ZFYVE9: variants seen among roughly 807,000 people sequenced by gnomAD.
ZFYVE9 encodes the protein zinc finger FYVE domain-containing protein 9.
ZFYVE9 carries 43 observed loss-of-function variants against 126.7 expected under a neutral mutation model. The ratio of observed to expected loss-of-function variants is 0.34; its 90% CI spans 0.27 to 0.44. The LOEUF (loss-of-function observed/expected upper bound fraction) is 0.44, where lower values mean the gene tolerates loss of function less well. Ranked by LOEUF, ZFYVE9 falls within the 20% of genes least tolerant of loss-of-function variation. The pLI is 1.00. For missense variants in ZFYVE9, 1,476 were observed against 1,697.0 expected (o/e 0.87, Z 2.29); for synonymous variants, 521 against 597.4 (o/e 0.87, Z 1.87).
At chr1:52,192,811 A>G (rs765932959) in intron 1 of ZFYVE9, among the ~76,000 whole-genome samples, 3 of 152,184 alleles carry the variant, frequency 2.0e-5, no homozygotes, top group Non-Finnish European at 4.4e-5. Context: ...GTAAAAATAT[A>G]TGTTCAGTCT....
At chr1:52,250,241 A>G (rs1226183852) in intron 4 of ZFYVE9, among the ~76,000 whole-genome samples, 1 of 152,160 alleles carries the variant, frequency 6.6e-6, no homozygotes, top group Non-Finnish European at 1.5e-5. Flanking sequence ...TAGTCCATGA[A>G]CATGGAATGT....
intron 1 of ZFYVE9, among the ~76,000 whole-genome samples, chr1:52,178,815 C>T (rs1267855596): frequency 1.3e-5 from 2 of 151,712 alleles, no homozygotes; most frequent in Non-Finnish European, 2.9e-5. Context: ...GAGATAATTA[C>T]TTATTTATGA....
intron 4 of ZFYVE9, among the ~76,000 whole-genome samples, chr1:52,254,856 C>CT (rs1298812849): frequency 6.6e-6 from 1 of 151,768 alleles, no homozygotes; most frequent in Non-Finnish European, 1.5e-5. Flanking sequence ...GTCCTAGCTA[C>CT]TTGGGAGGCT....
intron 1 of ZFYVE9, among the ~76,000 whole-genome samples, chr1:52,147,659 A>G (rs1422002894): frequency 6.6e-6 from 1 of 152,210 alleles, no homozygotes; most frequent in Non-Finnish European, 1.5e-5. Context: ...ACTATAAATA[A>G]TGTTGTTGTG....
At chr1:52,333,878 G>A (rs1287638771) in intron 14 of ZFYVE9, among the ~76,000 whole-genome samples, 5 of 151,746 alleles carry the variant, frequency 3.3e-5, no homozygotes, top group African/African-American at 1.2e-4. Context: ...ATCACCTAAG[G>A]TCAGGAGTTC....
Position 52,242,239 on chromosome 1 carries a change from C to T in ZFYVE9, c.2178+2644C>T, listed in dbSNP as rs143117863. Among the ~76,000 whole-genome samples, 170 of 152,174 alleles carry T rather than the reference C, an allele frequency of 1.1e-3. 2 individuals carry two copies. Among genetic ancestry groups the T allele is most frequent in the African/African-American group, 3.9e-3 (160 of 41,516 alleles). On this transcript the variant is annotated intron_variant, in intron 4 of 18. Transcript: ENST00000287727. Reference sequence around the variant, plus strand: ...TAGAGGCGGGGTTTCACCATGTTGGCCAGGCTGGCCTGGAACTCCTGACCT... The same window carrying T: ...TAGAGGCGGGGTTTCACCATGTTGGTCAGGCTGGCCTGGAACTCCTGACCT...
intron 11 of ZFYVE9, among the ~76,000 whole-genome samples, chr1:52,294,501 A>G (rs965242306): frequency 6.6e-6 from 1 of 152,260 alleles, no homozygotes; most frequent in Admixed American, 6.5e-5. Flanking sequence ...AAGGCCTCCC[A>G]TATATCCTGA....
intron 1 of ZFYVE9, among the ~76,000 whole-genome samples, chr1:52,196,726 T>C (rs190119512): frequency 5.6e-4 from 86 of 152,274 alleles, no homozygotes; most frequent in African/African-American, 1.9e-3. Context: ...ATAGGAGAAA[T>C]TTTTTAGTGG....
At chr1:52,180,507 C>A in intron 1 of ZFYVE9, 1 of 789,560 alleles carries the variant, frequency 1.3e-6, no homozygotes, top group South Asian at 1.4e-5. Context: ...GTCCTCAGTG[C>A]AATGCTCTGT....
intron 1 of ZFYVE9, among the ~76,000 whole-genome samples, chr1:52,208,829 G>A (rs1046666684): frequency 5.3e-5 from 8 of 152,112 alleles, no homozygotes; most frequent in Admixed American, 4.6e-4. Flanking sequence ...TACCATGCCC[G>A]GCCTTGAATT....
At chr1:52,307,277 C>T (rs1174519223) in intron 13 of ZFYVE9, among the ~76,000 whole-genome samples, 2 of 152,010 alleles carry the variant, frequency 1.3e-5, no homozygotes, top group South Asian at 2.1e-4. Flanking sequence ...GCTCTGTCAC[C>T]CAGGCTGGAG....
At position 52,175,997 on chromosome 1, in the gene ZFYVE9, G is replaced by A. The variant is rs934060754; in HGVS notation, c.-143+33594G>A. On this transcript the variant is annotated intron_variant, in intron 1 of 18. Transcript: ENST00000287727. Reference sequence around the variant, plus strand: ...GTCTGAAGCCTTCTTCTCTCAGCTCGTCAAAGTCATTCTCCATCCAGGTTT... The same window carrying A: ...GTCTGAAGCCTTCTTCTCTCAGCTCATCAAAGTCATTCTCCATCCAGGTTT... Among the ~76,000 whole-genome samples, 6 of 152,200 alleles carry A rather than the reference G, an allele frequency of 3.9e-5. No homozygotes were observed. The South Asian group carries it at 6.2e-4, about 16-fold the overall frequency.
intron 1 of ZFYVE9, among the ~76,000 whole-genome samples, chr1:52,181,054 C>G (rs1380892908): frequency 1.3e-5 from 2 of 151,806 alleles, no homozygotes; most frequent in Non-Finnish European, 2.9e-5. Context: ...GTCCCTCTCC[C>G]TCTCCCTCTC....
chr1:52,266,563 G>A, intron 5 of ZFYVE9, 92 bp from the exon 6 acceptor site: 1 of 1,130,838 alleles, frequency 8.8e-7, no homozygotes, highest in Non-Finnish European at 1.2e-6. Context: ...GTATTAATTA[G>A]GAGAAGCTGC....
chr1:52,332,091 A>C (rs1367554433), intron 13 of ZFYVE9, among the ~76,000 whole-genome samples: 5 of 152,096 alleles, frequency 3.3e-5, no homozygotes, highest in Admixed American at 3.3e-4. Context: ...CAAACTCTTT[A>C]TAGAAATAAA....
chr1:52,188,653 T>C (rs1644787639), intron 1 of ZFYVE9, among the ~76,000 whole-genome samples: 1 of 152,208 alleles, frequency 6.6e-6, no homozygotes. Context: ...GACTGGCTGC[T>C]AATTTTTCTA....
At chr1:52,338,258 A>G (rs1213516037) in intron 16 of ZFYVE9, among the ~76,000 whole-genome samples, 2 of 152,206 alleles carry the variant, frequency 1.3e-5, no homozygotes, top group East Asian at 1.9e-4. Context: ...GTTTGATACA[A>G]TAACAGGTGT....
chr1:52,282,442 G>A (rs1268857762), intron 10 of ZFYVE9, among the ~76,000 whole-genome samples: 2 of 152,156 alleles, frequency 1.3e-5, no homozygotes, highest in Non-Finnish European at 2.9e-5. Context: ...GAAAAACGGT[G>A]TAATTGAACT....
intron 7 of ZFYVE9, among the ~76,000 whole-genome samples, chr1:52,273,090 T>C (rs555689380): frequency 6.6e-6 from 1 of 152,290 alleles, no homozygotes; most frequent in South Asian, 2.1e-4. Flanking sequence ...CACTGAAACC[T>C]CCGCCTCCTG....
Sources: gnomAD v4.1 joint callset for allele counts (sites outside exome capture counted in the v4.1 genomes callset) on GRCh38, gnomAD v4.1.1 for gene constraint, MANE v1.5 for transcripts, NCBI Gene and HGNC (gene_info 2026-07-23, HGNC 2026-07-21) for gene names.